The following HCN4 variants were observed in gnomAD, a reference collection of about 807,000 sequenced individuals.
HCN4 encodes the protein potassium/sodium hyperpolarization-activated cyclic nucleotide-gated channel 4.
A neutral mutation model predicts 76.9 loss-of-function variants in HCN4; 29 were observed. That is an observed-to-expected ratio of 0.38 (90% CI 0.28 to 0.51). The LOEUF (loss-of-function observed/expected upper bound fraction) is 0.51. Among genes scored for constraint, HCN4 ranks in the 20% least tolerant of loss-of-function variants. The pLI is 0.90. For synonymous variants in HCN4, 772 were observed against 762.5 expected, an observed-to-expected ratio of 1.01 and a Z score of -0.21; for missense variants, 1,416 against 1,715.2, an observed-to-expected ratio of 0.83 and a Z score of 3.08.
intron 2 of HCN4, among the ~76,000 whole-genome samples, chr15:73,337,628 A>G (rs2042974731): frequency 6.6e-6 from 1 of 152,130 alleles, no homozygotes; most frequent in Admixed American, 6.5e-5. Context: ...CTTTATCGTG[A>G]TCTCAGCAAT....
At chr15:73,332,089 C>T (rs1357245599) in intron 3 of HCN4, 42 bp downstream of exon 3, 2 of 1,603,536 alleles carry the variant, frequency 1.2e-6, no homozygotes, top group African/African-American at 2.7e-5. Context: ...TCTGGAGAGC[C>T]CGCCTATGGC....
chr15:73,360,795 C>A (rs2043101687), intron 1 of HCN4, among the ~76,000 whole-genome samples: 1 of 152,188 alleles, frequency 6.6e-6, no homozygotes, highest in Non-Finnish European at 1.5e-5. Context: ...ATCTGTGAAC[C>A]CACCTGGCTT....
chr15:73,347,023 A>G (rs567154427), intron 1 of HCN4, among the ~76,000 whole-genome samples: 8 of 152,202 alleles, frequency 5.3e-5, no homozygotes, highest in South Asian at 4.1e-4. Context: ...TTCATTTCCA[A>G]TCCTGCTGGT....
In HCN4 at chr15:73,324,279, G is replaced by A. The variant is rs749628965; in HGVS notation, c.1979-26C>T. 3.1e-6 allele frequency: 5 copies of A among 1,612,672 alleles called. No individual in the cohort carries two copies. In the South Asian group the frequency reaches 5.5e-5, roughly 18 times the overall value. ...CTGCCAGAGCATCAGGACTCAGGAT[G>A]AGGCATGCACAGCCTGCCCAGGCCA... On this transcript the variant is annotated intron_variant, in intron 6 of 7. Coordinates refer to ENST00000261917, the MANE Select transcript of HCN4 (RefSeq NM_005477.3).
rs757807007 is a variant in HCN4, at chr15:73,343,812, C to T, written c.786-4G>A. ...CATGGTCAGGTCCCAGTAAAATCTG[C>T]CCAGAGACACAGGGGTCAGTCGCCA... is the stretch of plus-strand genomic sequence containing the variant. On this transcript the variant is annotated splice_region_variant and splice_polypyrimidine_tract_variant and intron_variant, in intron 1 of 7. Coordinates refer to ENST00000261917, the MANE Select transcript of HCN4 (RefSeq NM_005477.3). The surrounding 1 kb of genome is among the most constrained non-coding windows in gnomAD (Gnocchi z 5.7). 4.3e-6 allele frequency: 7 copies of T among 1,613,632 alleles called. No homozygotes were observed. The highest frequency in any genetic ancestry group is 4.0e-5 in the African/African-American group (3 of 74,866).
At position 73,367,654 on chromosome 15, in the gene HCN4, A is replaced by G. The variant is rs756027439; in HGVS notation, c.617T>C (p.Val206Ala). The change falls in exon 1 of 8, where the codon GTG (valine) becomes GCG (alanine). Residue 206 changes from valine (V) to alanine (A), a missense_variant. Around this residue, in one of 6 missense-constraint regions of HCN4, gnomAD observed 355 missense variants for 347.8 expected, o/e 1.02. Coordinates refer to ENST00000261917, the MANE Select transcript of HCN4 (RefSeq NM_005477.3). The surrounding 1 kb of genome is among the most constrained non-coding windows in gnomAD (Gnocchi z 7.5). ...CATGAAGCCGGCCTGGCCCAGGCGC[A>G]CCTCGGCCTCCGGGAGGATCTGGTC... ...AGDQILPEAE[V>A]RLGQAGFMQR... is the part of the protein sequence containing the mutation. The G allele has an allele frequency of 6.2e-7, 1 of 1,608,798 alleles. No individual in the cohort carries two copies. The highest frequency in any genetic ancestry group is 8.5e-7 in the Non-Finnish European group (1 of 1,179,642).
rs1282931423 is a variant in HCN4, at chr15:73,324,989, C to T, written c.1944G>A (p.Lys648=). ...GVVSVLTKGN[K]ETKLADGSYF... ...AGGAGCCGTCGGCCAGCTTGGTCTCCTTGTTGCCCTTGGTGAGCACGCTGA... is the reference window on the plus strand; with the variant it reads ...AGGAGCCGTCGGCCAGCTTGGTCTCTTTGTTGCCCTTGGTGAGCACGCTGA... Residue 648 remains lysine (K), a synonymous_variant, in exon 6 of 8, where the codon AAG becomes AAA. Transcript: ENST00000261917. The T allele has an allele frequency of 6.2e-7, 1 of 1,614,206 alleles. No homozygotes were observed. Among genetic ancestry groups the T allele is most frequent in the South Asian group, 1.1e-5 (1 of 91,082 alleles).
At chr15:73,344,843 A>T (rs1243346666) in intron 1 of HCN4, among the ~76,000 whole-genome samples, 1 of 152,192 alleles carries the variant, frequency 6.6e-6, no homozygotes, top group African/African-American at 2.4e-5. Context: ...CCAATCCAGA[A>T]GGCATGGCCA....
intron 1 of HCN4, among the ~76,000 whole-genome samples, chr15:73,354,544 G>A (rs976064356): frequency 1.3e-5 from 2 of 152,160 alleles, no homozygotes; most frequent in African/African-American, 2.4e-5. Flanking sequence ...GCTGGTGCAG[G>A]GACCACATTT....
intron 2 of HCN4, among the ~76,000 whole-genome samples, chr15:73,334,813 T>C (rs953194233): frequency 6.6e-6 from 1 of 152,162 alleles, no homozygotes; most frequent in Non-Finnish European, 1.5e-5. Context: ...CCATTATTAT[T>C]AAGCTCCTTC....
At chr15:73,353,766 T>G (rs1433096835) in intron 1 of HCN4, among the ~76,000 whole-genome samples, 2 of 152,178 alleles carry the variant, frequency 1.3e-5, no homozygotes, top group East Asian at 3.9e-4. Context: ...GGCTGGCATC[T>G]TAGCCTCCCC....
At position 73,321,873 on chromosome 15, in the gene HCN4, A is replaced by G. The variant is rs2042860904; in HGVS notation, c.*608T>C. The G allele has an allele frequency of 6.3e-6, 1 of 158,036 alleles. No individual in the cohort carries two copies. The highest frequency in any genetic ancestry group is 1.4e-5 in the Non-Finnish European group (1 of 71,470). 9.8% of individuals were successfully genotyped at this position (158,036 alleles called of 1,614,324 possible). A position where few individuals can be genotyped will look rare whatever the true frequency, so the allele number is the denominator to read the frequency against. On this transcript the variant is annotated 3_prime_UTR_variant, in exon 8 of 8. Transcript: ENST00000261917. ...TGTGCGCACATGTGAGTGGCTATCT[A>G]CATGGCTCTACAGAGCGCTACATAG...
intron 2 of HCN4, among the ~76,000 whole-genome samples, chr15:73,342,997 A>G (rs2043013444): frequency 6.6e-6 from 1 of 152,316 alleles, no homozygotes; most frequent in East Asian, 1.9e-4. Context: ...TTATGGGTTT[A>G]CAAACCCTAC....
chr15:73,342,742 G>A (rs2043012151), intron 2 of HCN4, among the ~76,000 whole-genome samples: 1 of 152,164 alleles, frequency 6.6e-6, no homozygotes, highest in Non-Finnish European at 1.5e-5. Context: ...GTTCTGCTCA[G>A]GAAGAACCCA....
intron 1 of HCN4, among the ~76,000 whole-genome samples, chr15:73,360,702 C>T (rs771827344): frequency 2.6e-5 from 4 of 152,068 alleles, no homozygotes; most frequent in African/African-American, 7.3e-5. Flanking sequence ...TGGAGGCCAT[C>T]GTGAAGAATA....
intron 1 of HCN4, among the ~76,000 whole-genome samples, chr15:73,350,098 G>A (rs568468444): frequency 3.3e-5 from 5 of 152,192 alleles, no homozygotes; most frequent in Non-Finnish European, 5.9e-5. Context: ...CTTTCCTGCC[G>A]GCTCTTCTAT....
chr15:73,358,466 TGG>T (rs2043090972), intron 1 of HCN4, among the ~76,000 whole-genome samples: 1 of 152,178 alleles, frequency 6.6e-6, no homozygotes, highest in Non-Finnish European at 1.5e-5. Context: ...TAATTACTTC[TGG>T]GCTCCAGGCC....
rs574545915 is a variant in HCN4, at chr15:73,322,543, G to T, written c.3550C>A (p.Pro1184Thr). ...GGCCTGGCCCCAGGTTCCCTCTGGG[G>T]TCCAGCAGTCAGAGGGGGCCCCCCA... ...SSGGPPLTAGPQREPGARPEP... is the reference protein window; with the variant it reads ...SSGGPPLTAGTQREPGARPEP... The change falls in exon 8 of 8, where the codon CCC becomes ACC. Residue 1184 changes from proline to threonine, a missense_variant. This residue lies in a region of HCN4 where 633 missense variants were observed against 579.8 expected (regional missense o/e 1.09). Coordinates refer to ENST00000261917, the MANE Select transcript of HCN4 (RefSeq NM_005477.3). 2.5e-6 allele frequency: 4 copies of T among 1,605,998 alleles called. No individual in the cohort carries two copies. In the Admixed American group the frequency reaches 5.1e-5, roughly 20 times the overall value.
Position 73,324,173 on chromosome 15 carries a change from C to A in HCN4, c.2059G>T (p.Asp687Tyr). The change falls in exon 7 of 8, where the codon GAC (aspartate) becomes TAC (tyrosine). Residue 687 changes from aspartate (D) to tyrosine (Y), a missense_variant. By Grantham distance (160) the Asp-to-Tyr change is radical. Transcript: ENST00000261917. ...TCCTCCAGCACCTCATTGAAGTTGT[C>A]CACGCTCAGCGAGTAGAGGCGGCAG... ...TYCRLYSLSV[D>Y]NFNEVLEEYP... is the part of the protein sequence containing the mutation. 1 of 1,614,088 alleles carries A rather than the reference C, an allele frequency of 6.2e-7. No homozygotes were observed. The highest frequency in any genetic ancestry group is 1.3e-5 in the African/African-American group (1 of 75,042).
Sources: allele counts gnomAD v4.1 joint callset (sites outside exome capture counted in the v4.1 genomes callset), GRCh38; gene constraint gnomAD v4.1.1; regional missense constraint gnomAD v4.1.1; non-coding constraint Gnocchi (gnomAD v3.1); transcripts MANE v1.5; gene names NCBI Gene and HGNC (gene_info 2026-07-23, HGNC 2026-07-21).